Variants in TBC1D15 observed in about 807,000 individuals in gnomAD.
TBC1D15 encodes TBC1 domain family member 15, also known as GAP for RAB7.
In TBC1D15, 39 loss-of-function variants were observed where a neutral mutation model predicts 95.4. The observed-to-expected ratio is 0.41, with a 90% CI of 0.32 to 0.53. The LOEUF (loss-of-function observed/expected upper bound fraction) is 0.53. Ranked by LOEUF, TBC1D15 falls within the 20% of genes least tolerant of loss-of-function variation. The probability of loss-of-function intolerance (pLI) is 0.29; values close to 1 mark genes in which losing one functional copy is unlikely to be tolerated. For synonymous variants in TBC1D15, 258 were observed against 261.3 expected, an observed-to-expected ratio of 0.99 and a Z score of 0.12; for missense variants, 733 against 794.3, an observed-to-expected ratio of 0.92 and a Z score of 0.93.
Position 71,887,380 on chromosome 12 carries a change from C to CTTGA in TBC1D15, c.554+2360_554+2363dup, listed in dbSNP as rs553369305. Among the ~76,000 whole-genome samples, 7 of 152,270 alleles carry CTTGA rather than the reference C, an allele frequency of 4.6e-5. No homozygotes were observed. In the East Asian group the frequency reaches 1.2e-3, roughly 25 times the overall value. On this transcript the variant is annotated intron_variant, in intron 5 of 16. Transcript: ENST00000485960. ...TATTTCATTGAAGGATGTGGTTTAA[C>CTTGA]TTGAAGAAGAGAAATTTCAATGCAA... is the stretch of plus-strand genomic sequence containing the variant.
At position 71,907,325 on chromosome 12, in the gene TBC1D15, C is replaced by T. The variant is rs147232016; in HGVS notation, c.1300+187C>T. The T allele has an allele frequency of 2.2e-3, 848 of 394,100 alleles. 7 individuals are homozygous for T. The highest frequency in any genetic ancestry group is 0.015 in the African/African-American group (758 of 49,224). The allele number at this position is 394,100 out of a possible 1,614,324, so 24.4% of individuals were successfully genotyped here. A position where few individuals can be genotyped will look rare whatever the true frequency, so the allele number is the denominator to read the frequency against. ...AGGAGCCCTGGGTTGCTGCAGCAAA[C>T]TAACAGGAGCACCATGGGATATTTA... On this transcript the variant is annotated intron_variant, in intron 11 of 16. Coordinates refer to ENST00000485960, the MANE Select transcript of TBC1D15 (RefSeq NM_001146213.3).
chr12:71,900,773 G>A lies in TBC1D15; in HGVS notation c.1183+2832G>A, dbSNP rs1279460381. 2.0e-5 allele frequency among the ~76,000 whole-genome samples: 3 copies of A among 152,102 alleles called. No individual in the cohort carries two copies. The East Asian group carries it at 5.8e-4, about 29-fold the overall frequency. On this transcript the variant is annotated intron_variant, in intron 10 of 16. Transcript: ENST00000485960. ...CATGCCAAATAGAAAAATAAGGCAA[G>A]GAAAAGGGTTAGGATGTTTGTGTGC... is the stretch of plus-strand genomic sequence containing the variant.
chr12:71,852,002 G>A (rs546515665), intron 1 of TBC1D15, among the ~76,000 whole-genome samples: 1 of 152,322 alleles, frequency 6.6e-6, no homozygotes, highest in African/African-American at 2.4e-5. Flanking sequence ...CCTATTAGAG[G>A]TTCTTCATGA....
At chr12:71,915,592 T>A (rs1263668362) in intron 12 of TBC1D15, among the ~76,000 whole-genome samples, 1 of 152,096 alleles carries the variant, frequency 6.6e-6, no homozygotes, top group African/African-American at 2.4e-5. Flanking sequence ...CAGACGTGTG[T>A]ATATAGGTCT....
At chr12:71,896,416 T>G (rs902830412) in intron 8 of TBC1D15, 1 of 459,132 alleles carries the variant, frequency 2.2e-6, no homozygotes, top group Non-Finnish European at 3.9e-6. Flanking sequence ...GGGCTTAGAC[T>G]CACCAGTCAC....
At chr12:71,845,628 G>A (rs1886097832) in intron 1 of TBC1D15, among the ~76,000 whole-genome samples, 1 of 152,230 alleles carries the variant, frequency 6.6e-6, no homozygotes, top group Admixed American at 6.5e-5. Context: ...TCCTGGGGAT[G>A]CTTTCTGGAA....
chr12:71,848,633 A>T (rs187907797), intron 1 of TBC1D15, among the ~76,000 whole-genome samples: 111 of 152,164 alleles, frequency 7.3e-4, no homozygotes, highest in African/African-American at 2.6e-3. Context: ...GGGTCTTTTT[A>T]AAAAAATTAT....
chr12:71,917,818 C>G (rs1042103406), intron 13 of TBC1D15, 21 bp downstream of exon 13: 2 of 1,482,926 alleles, frequency 1.3e-6, no homozygotes, highest in Non-Finnish European at 9.4e-7. Flanking sequence ...TGAATCAGAA[C>G]TATACCCAGC....
At chr12:71,900,805 G>A (rs1899210011) in intron 10 of TBC1D15, among the ~76,000 whole-genome samples, 1 of 152,058 alleles carries the variant, frequency 6.6e-6, no homozygotes, top group Non-Finnish European at 1.5e-5. Context: ...GTGCAATGTT[G>A]CCATTTTAAC....
intron 6 of TBC1D15, chr12:71,894,351 G>C (rs778856022): frequency 1.2e-6 from 2 of 1,612,970 alleles, no homozygotes; most frequent in East Asian, 4.5e-5. Flanking sequence ...GAAGAAAGCT[G>C]TTGTGGGCCA....
At chr12:71,843,509 TTAAC>T (rs1318618212) in intron 1 of TBC1D15, among the ~76,000 whole-genome samples, 1 of 152,196 alleles carries the variant, frequency 6.6e-6, no homozygotes, top group African/African-American at 2.4e-5. Context: ...AACATGGTAG[TTAAC>T]TAGGGTATAA....
intron 1 of TBC1D15, among the ~76,000 whole-genome samples, chr12:71,860,570 C>G (rs1324311390): frequency 6.6e-6 from 1 of 152,118 alleles, no homozygotes. Context: ...TATAGAAATA[C>G]TACTAATTTT....
chr12:71,900,061 AG>A (rs971143949), intron 10 of TBC1D15, among the ~76,000 whole-genome samples: 1 of 152,194 alleles, frequency 6.6e-6, no homozygotes, highest in Non-Finnish European at 1.5e-5. Context: ...TGAAGGGGAA[AG>A]AGAAATAAAA....
At chr12:71,887,732 C>T (rs905261755) in intron 5 of TBC1D15, among the ~76,000 whole-genome samples, 1 of 152,148 alleles carries the variant, frequency 6.6e-6, no homozygotes, top group African/African-American at 2.4e-5. Flanking sequence ...TTGTTTGCTT[C>T]CTTCATGGCA....
intron 1 of TBC1D15, among the ~76,000 whole-genome samples, chr12:71,869,462 G>T (rs552111810): frequency 1.3e-5 from 2 of 152,206 alleles, no homozygotes; most frequent in East Asian, 1.9e-4. Context: ...GGCAGAGGTT[G>T]CAGTGAGCTG....
chr12:71,879,436 C>G lies in TBC1D15; in HGVS notation c.205-1033C>G, dbSNP rs939129467. Among the ~76,000 whole-genome samples the G allele has an allele frequency of 5.9e-5, 9 of 152,122 alleles. No homozygotes were observed. In the East Asian group the frequency reaches 1.7e-3, roughly 29 times the overall value. On this transcript the variant is annotated intron_variant, in intron 3 of 16. Coordinates refer to ENST00000485960, the MANE Select transcript of TBC1D15 (RefSeq NM_001146213.3). ...AGGTGTGAGCCACCTCGCTCGGCCT[C>G]CCTTACCTGTCTCTGTTTAATGTAT...
At chr12:71,863,592 A>G (rs1890850036) in intron 1 of TBC1D15, among the ~76,000 whole-genome samples, 1 of 151,992 alleles carries the variant, frequency 6.6e-6, no homozygotes, top group African/African-American at 2.4e-5. Flanking sequence ...CAGACTTGGG[A>G]AGTTTTCAGT....
At position 71,921,425 on chromosome 12, in the gene TBC1D15, G is replaced by A. The variant is rs1869286529; in HGVS notation, c.1774G>A (p.Ala592Thr). ...GGAAGATATACTCTGCAAGGCAGAA[G>A]CAATTTCTCTACAGATGGTAAAATG... ...DVEDILCKAE[A>T]ISLQMVKCKE... Residue 592 changes from alanine (A) to threonine (T), a missense_variant, in exon 16 of 17, where the codon GCA (alanine) becomes ACA (threonine). Physicochemically the swap from Ala to Thr is moderately conservative, Grantham distance 58 (BLOSUM62 0). Coordinates refer to ENST00000485960, the MANE Select transcript of TBC1D15 (RefSeq NM_001146213.3). 1.3e-6 allele frequency: 2 copies of A among 1,568,782 alleles called. No homozygotes were observed. The highest frequency in any genetic ancestry group is 1.7e-5 in the Admixed American group (1 of 57,376).
intron 8 of TBC1D15, 68 bp from the exon 9 acceptor site, chr12:71,896,609 C>G: frequency 3.0e-6 from 4 of 1,340,186 alleles, no homozygotes; most frequent in East Asian, 2.3e-5. Flanking sequence ...TTTTTATATG[C>G]AAGTTTTGTG....
Sources: allele counts gnomAD v4.1 joint callset (sites outside exome capture counted in the v4.1 genomes callset), GRCh38; gene constraint gnomAD v4.1.1; transcripts MANE v1.5; gene names NCBI Gene and HGNC (gene_info 2026-07-23, HGNC 2026-07-21).